The following EIF4E3 variants were observed in gnomAD, a reference collection of about 807,000 sequenced individuals.
EIF4E3 encodes eukaryotic translation initiation factor 4E type 3.
EIF4E3 carries 26 observed loss-of-function variants against 31.7 expected under a neutral mutation model. The ratio of observed to expected loss-of-function variants is 0.82; its 90% CI spans 0.60 to 1.14. The LOEUF is 1.14. Among genes scored for constraint, EIF4E3 ranks in the 50% most tolerant of loss-of-function variants. The pLI is 0.00. For missense variants in EIF4E3, 304 were observed against 270.9 expected, an observed-to-expected ratio of 1.12 and a Z score of -0.86; for synonymous variants, 128 against 107.7, an observed-to-expected ratio of 1.19 and a Z score of -1.17.
At chr3:71,751,091 G>C (rs1411772842) in intron 1 of EIF4E3, among the ~76,000 whole-genome samples, 1 of 152,016 alleles carries the variant, frequency 6.6e-6, no homozygotes, top group Non-Finnish European at 1.5e-5. Context: ...AAATTAGCGG[G>C]GCATGGTGGT....
At chr3:71,744,064 A>C in intron 1 of EIF4E3, among the ~76,000 whole-genome samples, 1 of 152,186 alleles carries the variant, frequency 6.6e-6, no homozygotes, top group Non-Finnish European at 1.5e-5. Context: ...ATGATGTAAA[A>C]GCATAATTCA....
intron 1 of EIF4E3, among the ~76,000 whole-genome samples, chr3:71,752,822 TGTG>T (rs1434141214): frequency 1.3e-5 from 2 of 152,186 alleles, no homozygotes; most frequent in Non-Finnish European, 2.9e-5. Flanking sequence ...GGGAGCCTGT[TGTG>T]GGGCTGGTCC....
In EIF4E3 at chr3:71,725,184, C is replaced by A; in HGVS notation, c.176+8G>T. On this transcript the variant is annotated splice_region_variant and intron_variant, in intron 1 of 6. Transcript: ENST00000425534. This position sits in a 1 kb window ranked among gnomAD's most constrained non-coding sequence, Gnocchi z 6.1. ...GGGCCGTGCGCGGCGGGCCCCGCGCCCCCTCACCTGTCGAGCCAGAAGGTC... is the reference window on the plus strand; with the variant it reads ...GGGCCGTGCGCGGCGGGCCCCGCGCACCCTCACCTGTCGAGCCAGAAGGTC... The A allele has an allele frequency of 9.1e-7, 1 of 1,102,302 alleles. No homozygotes were observed. Among genetic ancestry groups the A allele is most frequent in the Non-Finnish European group, 1.1e-6 (1 of 906,494 alleles). 68.3% of individuals were successfully genotyped at this position (1,102,302 alleles called of 1,614,324 possible).
intron 1 of EIF4E3, among the ~76,000 whole-genome samples, chr3:71,712,717 A>T (rs2049400086): frequency 6.6e-6 from 1 of 152,048 alleles, no homozygotes; most frequent in Non-Finnish European, 1.5e-5. Context: ...TTTCAAAAAA[A>T]TTTTTTTAAC....
In EIF4E3 at chr3:71,725,091, C is replaced by A. The variant is rs2049611175; in HGVS notation, c.176+101G>T. The A allele has an allele frequency of 2.2e-6, 2 of 899,562 alleles. No homozygotes were observed. The highest frequency in any genetic ancestry group is 2.7e-6 in the Non-Finnish European group (2 of 748,398). 55.7% of individuals were successfully genotyped at this position (899,562 alleles called of 1,614,324 possible). On this transcript the variant is annotated intron_variant, in intron 1 of 6. Transcript: ENST00000425534. This position sits in a 1 kb window ranked among gnomAD's most constrained non-coding sequence, Gnocchi z 6.1. ...CGCGGAGGGGCCGAGGTCTGTGCCACAGCGGAGCGGGGCCGGGGCGAGGGG... is the reference window on the plus strand; with the variant it reads ...CGCGGAGGGGCCGAGGTCTGTGCCAAAGCGGAGCGGGGCCGGGGCGAGGGG...
At chr3:71,722,096 G>C (rs578093611) in intron 1 of EIF4E3, among the ~76,000 whole-genome samples, 19 of 151,050 alleles carry the variant, frequency 1.3e-4, no homozygotes, top group African/African-American at 3.7e-4. Context: ...TTTTCCTCGG[G>C]GGGGCGGGGG....
chr3:71,693,873 A>G lies in EIF4E3; in HGVS notation c.472+2T>C, dbSNP rs1004300201. The G allele has an allele frequency of 6.4e-7, 1 of 1,561,172 alleles. No individual in the cohort carries two copies. The highest frequency in any genetic ancestry group is 8.7e-7 in the Non-Finnish European group (1 of 1,153,978). On this transcript the variant is annotated splice_donor_variant, in intron 5 of 6. Coordinates refer to ENST00000425534, the MANE Select transcript of EIF4E3 (RefSeq NM_001134651.2). LOFTEE classifies it high-confidence loss of function. Reference sequence around the variant, plus strand: ...GCCGGCCGGAGCCGTGGGCTGCTTTACCTGCTGCGGCACAGTCTGTGAACT... The same window carrying G: ...GCCGGCCGGAGCCGTGGGCTGCTTTGCCTGCTGCGGCACAGTCTGTGAACT...
intron 2 of EIF4E3, among the ~76,000 whole-genome samples, chr3:71,705,155 A>T (rs2049271765): frequency 6.6e-6 from 1 of 152,088 alleles, no homozygotes; most frequent in African/African-American, 2.4e-5. Context: ...ATTGCAGGAC[A>T]CCACACACCA....
chr3:71,667,021 C>T, the EIF4E3 span, among the ~76,000 whole-genome samples: 845 of 152,196 alleles, frequency 5.6e-3, 6 homozygotes, highest in African/African-American at 0.02. Flanking sequence ...ACTAGCAAAC[C>T]GAATGCAGCA....
At position 71,686,336 on chromosome 3, in the gene EIF4E3, G is replaced by A. The variant is rs150394025; in HGVS notation, c.629-1608C>T. Among the ~76,000 whole-genome samples, 409 of 152,136 alleles carry A rather than the reference G, an allele frequency of 2.7e-3. 1 individual carries two copies. The highest frequency in any genetic ancestry group is 6.3e-3 in the Admixed American group (97 of 15,284). On this transcript the variant is annotated intron_variant, in intron 6 of 6. Transcript: ENST00000425534. ...AAATTCTTCAGACTATTGCTGAGGG[G>A]GTGGATGGAACGGGCCTATTTTCCC...
intron 6 of EIF4E3, among the ~76,000 whole-genome samples, chr3:71,688,959 C>T (rs1401822199): frequency 6.6e-6 from 1 of 152,046 alleles, no homozygotes; most frequent in Non-Finnish European, 1.5e-5. Context: ...TGTTAATATC[C>T]CCTGTCATAC....
intron 3 of EIF4E3, among the ~76,000 whole-genome samples, chr3:71,698,236 A>G (rs761355564): frequency 2.0e-5 from 3 of 152,330 alleles, no homozygotes; most frequent in East Asian, 3.9e-4. Flanking sequence ...CAGTGGCTAC[A>G]TGGGCAGGGA....
upstream of EIF4E3, chr3:71,725,422 G>C: frequency 1.0e-6 from 1 of 970,910 alleles, no homozygotes; most frequent in Non-Finnish European, 1.2e-6. This position sits in a 1 kb window ranked among gnomAD's most constrained non-coding sequence, Gnocchi z 6.1. Flanking sequence ...GGCGAGCGCG[G>C]CTGAGTCACC....
In EIF4E3 at chr3:71,681,889, G is replaced by A. The variant is rs1241075058; in HGVS notation, c.*2793C>T. 6.6e-6 allele frequency: 1 copy of A among 152,122 alleles called. No individual in the cohort carries two copies. Among genetic ancestry groups the A allele is most frequent in the African/African-American group, 2.4e-5 (1 of 41,432 alleles). 9.4% of individuals were successfully genotyped at this position (152,122 alleles called of 1,614,324 possible). On this transcript the variant is annotated 3_prime_UTR_variant, in exon 7 of 7. Coordinates refer to ENST00000425534, the MANE Select transcript of EIF4E3 (RefSeq NM_001134651.2). Reference sequence around the variant, plus strand: ...TAATTTAAAGTTTATTAGAGTTGTGGTTTCCTTTTCATGTTTTTGCTTCAT... The same window carrying A: ...TAATTTAAAGTTTATTAGAGTTGTGATTTCCTTTTCATGTTTTTGCTTCAT...
At chr3:71,673,481 G>C (rs3910180), downstream of EIF4E3, among the ~76,000 whole-genome samples, 7,427 of 151,928 alleles carry the variant, frequency 0.049, 627 homozygotes, top group East Asian at 0.42. Flanking sequence ...ATTATTATTG[G>C]AGAATTTGAA....
intron 1 of EIF4E3, among the ~76,000 whole-genome samples, chr3:71,732,986 A>G (rs1416497176): frequency 2.0e-5 from 3 of 152,240 alleles, no homozygotes; most frequent in Non-Finnish European, 4.4e-5. Flanking sequence ...AGGTCACCCA[A>G]GTGTTGATTC....
At chr3:71,736,798 A>G (rs890483450) in intron 1 of EIF4E3, among the ~76,000 whole-genome samples, 3 of 152,212 alleles carry the variant, frequency 2.0e-5, no homozygotes, top group African/African-American at 4.8e-5. Context: ...AATGTAAACT[A>G]TGGACTTTGG....
the EIF4E3 span, among the ~76,000 whole-genome samples, chr3:71,661,058 C>A: frequency 0.016 from 2,458 of 152,238 alleles, 55 homozygotes; most frequent in African/African-American, 0.057. Context: ...CAAGTACAAG[C>A]TGGTCTCCTC....
chr3:71,692,904 T>C (rs533671401), intron 5 of EIF4E3, among the ~76,000 whole-genome samples: 1 of 152,296 alleles, frequency 6.6e-6, no homozygotes, highest in East Asian at 1.9e-4. Context: ...GCAGGTTTTA[T>C]CTTAACTGAA....
Sources: allele counts gnomAD v4.1 joint callset (sites outside exome capture counted in the v4.1 genomes callset), GRCh38; gene constraint gnomAD v4.1.1; non-coding constraint Gnocchi (gnomAD v3.1); transcripts MANE v1.5; gene names NCBI Gene and HGNC (gene_info 2026-07-23, HGNC 2026-07-21).